Variants in SUPT6H observed in about 807,000 individuals in gnomAD.
SUPT6H encodes the protein transcription elongation factor SPT6.
SUPT6H carries 11 observed loss-of-function variants against 222.3 expected under a neutral mutation model. The observed-to-expected ratio is 0.05, with a 90% CI of 0.03 to 0.08. The LOEUF is 0.08. Ranked by LOEUF, SUPT6H falls within the 10% of genes least tolerant of loss-of-function variation. SUPT6H has a pLI of 1.00. For missense variants in SUPT6H, 1,422 were observed against 2,216.0 expected (o/e 0.64, Z 7.19); for synonymous variants, 762 against 801.2 (o/e 0.95, Z 0.83).
chr17:28,686,863 C>T (rs1238926050), intron 21 of SUPT6H, 74 bp downstream of exon 21: 1 of 1,520,654 alleles, frequency 6.6e-7, no homozygotes, highest in East Asian at 2.3e-5. Context: ...AATTGGGAAA[C>T]AAAAGTTATC....
chr17:28,675,577 A>G, intron 6 of SUPT6H, 92 bp downstream of exon 6: 6 of 1,361,562 alleles, frequency 4.4e-6, no homozygotes, highest in South Asian at 2.4e-5. Context: ...AAAATGGGGC[A>G]TTCCCAGCTT....
chr17:28,677,357 T>TG (rs2030813072), intron 7 of SUPT6H, among the ~76,000 whole-genome samples: 1 of 150,550 alleles, frequency 6.6e-6, no homozygotes, highest in Non-Finnish European at 1.5e-5. Context: ...CACTCCAGCC[T>TG]GGGCAACAGA....
chr17:28,679,019 C>A (rs1252348419), intron 11 of SUPT6H, 56 bp downstream of exon 11: 6 of 1,607,500 alleles, frequency 3.7e-6, no homozygotes, highest in African/African-American at 1.3e-5. Context: ...CAAGGCTGGC[C>A]CTGCAGGAGC....
intron 33 of SUPT6H, 128 bp downstream of exon 33, chr17:28,700,021 C>A: frequency 7.3e-7 from 1 of 1,377,140 alleles, no homozygotes; most frequent in Non-Finnish European, 1.0e-6. Context: ...ACTCCTCCTG[C>A]AGCCTCCCAG....
Position 28,675,485 on chromosome 17 carries a change from C to T in SUPT6H, c.623C>T (p.Ala208Val), listed in dbSNP as rs1393259258. The T allele has an allele frequency of 4.3e-6, 7 of 1,613,952 alleles. No individual in the cohort carries two copies. Among genetic ancestry groups the T allele is most frequent in the East Asian group, 2.2e-5 (1 of 44,896 alleles). The change falls in exon 6 of 37, where the codon GCG becomes GTG. Residue 208 changes from alanine (A) to valine (V), a missense_variant and splice_region_variant. Coordinates refer to ENST00000314616, the MANE Select transcript of SUPT6H (RefSeq NM_003170.5). ...AAAAAGCTTCCTGGATACACAGACG[C>T]GTGAGTGGGGTCTGGTACAAGGTGG... is the stretch of plus-strand genomic sequence containing the variant. ...WRKKLPGYTD[A>V]ALQEAQEIFG...
chr17:28,663,627 T>G (rs1225251763), intron 1 of SUPT6H, among the ~76,000 whole-genome samples: 4 of 152,012 alleles, frequency 2.6e-5, no homozygotes, highest in Non-Finnish European at 5.9e-5. Context: ...CCCAATAAAA[T>G]CAGTCACCAA....
At chr17:28,695,732 G>C (rs1301737156) in intron 29 of SUPT6H, among the ~76,000 whole-genome samples, 185 bp downstream of exon 29, 3 of 152,162 alleles carry the variant, frequency 2.0e-5, no homozygotes, top group African/African-American at 7.2e-5. Context: ...AGTCTCTTGG[G>C]TCACATTTTC....
At chr17:28,677,968 T>G in intron 8 of SUPT6H, 108 bp from the exon 9 acceptor site, 1 of 1,365,534 alleles carries the variant, frequency 7.3e-7, no homozygotes, top group Non-Finnish European at 1.0e-6. Context: ...ATGAGAAAAA[T>G]TTTTTAGATT....
At chr17:28,696,515 G>A (rs2031921675) in intron 29 of SUPT6H, among the ~76,000 whole-genome samples, 1 of 150,596 alleles carries the variant, frequency 6.6e-6, no homozygotes, top group Non-Finnish European at 1.5e-5. Context: ...TTGAACCTAG[G>A]AGGGAGAAGT....
intron 12 of SUPT6H, 135 bp from the exon 13 acceptor site, chr17:28,681,747 A>C: frequency 1.4e-6 from 1 of 718,052 alleles, no homozygotes; most frequent in Non-Finnish European, 2.2e-6. Context: ...AAGAAAACCC[A>C]GGAGACTTGA....
rs1297963017 is a variant in SUPT6H at position 28,678,647 on chromosome 17, C to T, written c.1206+13C>T. On this transcript the variant is annotated intron_variant, in intron 10 of 36. Coordinates refer to ENST00000314616, the MANE Select transcript of SUPT6H (RefSeq NM_003170.5). ...GTGGGATGAAAAGGTAATGTAGATC[C>T]GTGGCCCCCAAGAGGTGTGGGCCAG... 9 of 1,613,548 alleles carry T rather than the reference C, an allele frequency of 5.6e-6. No individual in the cohort carries two copies. Among genetic ancestry groups the T allele is most frequent in the African/African-American group, 1.3e-5 (1 of 74,876 alleles).
At chr17:28,686,122 G>T (rs145956811) in intron 19 of SUPT6H, among the ~76,000 whole-genome samples, 2 of 152,258 alleles carry the variant, frequency 1.3e-5, no homozygotes, top group African/African-American at 4.8e-5. Context: ...GTGGCACCTG[G>T]TACCACTGGA....
rs535394505 is a variant in SUPT6H at position 28,693,429 on chromosome 17, T to C, written c.3634-267T>C. ...GTGAGCCAAGATTGCGCCACTGCACTCCAGCCTGGGCAACAGAGCAAGACT... is the reference window on the plus strand; with the variant it reads ...GTGAGCCAAGATTGCGCCACTGCACCCCAGCCTGGGCAACAGAGCAAGACT... On this transcript the variant is annotated intron_variant, in intron 27 of 36. Coordinates refer to ENST00000314616, the MANE Select transcript of SUPT6H (RefSeq NM_003170.5). Among the ~76,000 whole-genome samples, 541 of 152,196 alleles carry C rather than the reference T, an allele frequency of 3.6e-3. 2 individuals are homozygous for C. The highest frequency in any genetic ancestry group is 7.3e-3 in the South Asian group (35 of 4,814).
chr17:28,667,370 C>CA (rs546020183), intron 1 of SUPT6H, among the ~76,000 whole-genome samples: 173 of 6,216 alleles, frequency 0.028, 16 homozygotes, highest in African/African-American at 0.056. Flanking sequence ...GACTCCGTCT[C>CA]AAAAAAAAAA....
In SUPT6H at chr17:28,689,176, G is replaced by A. The variant is rs993603663; in HGVS notation, c.3135-178G>A. ...TGCATTTTTCACGTATCAATATATT[G>A]TGGCCATCTTTCCATGTCAGCACAC... is the stretch of plus-strand genomic sequence containing the variant. On this transcript the variant is annotated intron_variant, in intron 24 of 36. Transcript: ENST00000314616. 5.2e-5 allele frequency: 31 copies of A among 598,642 alleles called. 3 individuals carry two copies. In the South Asian group the frequency reaches 6.6e-4, roughly 13 times the overall value. 37.1% of individuals were successfully genotyped at this position (598,642 alleles called of 1,614,324 possible).
chr17:28,683,262 G>A lies in SUPT6H; in HGVS notation c.1879-6G>A, dbSNP rs763186296. On this transcript the variant is annotated splice_region_variant and splice_polypyrimidine_tract_variant and intron_variant, in intron 15 of 36. Transcript: ENST00000314616. ...CAGGCTCATGATTCCCCCTTCATGT[G>A]TGCAGGATGTGGATGAGGCCCACTA... is the stretch of plus-strand genomic sequence containing the variant. 2 of 1,613,796 alleles carry A rather than the reference G, an allele frequency of 1.2e-6. No individual in the cohort carries two copies. The highest frequency in any genetic ancestry group is 3.3e-5 in the Admixed American group (2 of 59,994).
At chr17:28,699,201 A>C (rs187207516) in intron 32 of SUPT6H, among the ~76,000 whole-genome samples, 1 of 152,178 alleles carries the variant, frequency 6.6e-6, no homozygotes, top group South Asian at 2.1e-4. Flanking sequence ...CACCCACCCC[A>C]TAGGCTTCAG....
rs1489558004 is a variant in SUPT6H at position 28,686,634 on chromosome 17, A to T, written c.2565-20A>T. On this transcript the variant is annotated intron_variant, in intron 20 of 36. Transcript: ENST00000314616. ...CATCCCTAAGAAAACATATTCATTG[A>T]CCAACACTCATCCCACCAGGGACGC... 6.4e-7 allele frequency: 1 copy of T among 1,573,876 alleles called. No homozygotes were observed. Among genetic ancestry groups the T allele is most frequent in the Admixed American group, 1.9e-5 (1 of 53,136 alleles).
At position 28,670,657 on chromosome 17, in the gene SUPT6H, C is replaced by T. The variant is rs189484827; in HGVS notation, c.-31-2714C>T. ...ATCCCAGCACTTTGGGAGGCCGAGG[C>T]GGGCAGATCACCTGAGGTCAGGAGT... On this transcript the variant is annotated intron_variant, in intron 1 of 36. Transcript: ENST00000314616. Among the ~76,000 whole-genome samples the T allele has an allele frequency of 5.9e-5, 9 of 152,242 alleles. No individual in the cohort carries two copies. In the East Asian group the frequency reaches 1.4e-3, roughly 23 times the overall value.
Sources: allele counts gnomAD v4.1 joint callset (sites outside exome capture counted in the v4.1 genomes callset), GRCh38; gene constraint gnomAD v4.1.1; transcripts MANE v1.5; gene names NCBI Gene and HGNC (gene_info 2026-07-23, HGNC 2026-07-21).